Variants in SPTBN4 observed in about 807,000 individuals in gnomAD.
The protein encoded by SPTBN4 is spectrin beta chain, non-erythrocytic 4.
A neutral mutation model predicts 277.8 loss-of-function variants in SPTBN4; 96 were observed. The observed-to-expected ratio is 0.35, with a 90% CI of 0.29 to 0.41. The LOEUF is 0.41. Ranked by LOEUF, SPTBN4 falls within the 10% of genes least tolerant of loss-of-function variation. SPTBN4 has a pLI of 1.00. For missense variants in SPTBN4, 3,006 were observed against 3,595.7 expected, an observed-to-expected ratio of 0.84 and a Z score of 4.19; for synonymous variants, 1,481 against 1,580.3, an observed-to-expected ratio of 0.94 and a Z score of 1.49.
intron 14 of SPTBN4, among the ~76,000 whole-genome samples, chr19:40,514,522 C>T (rs902042200): frequency 4.6e-5 from 7 of 152,180 alleles, no homozygotes; most frequent in African/African-American, 1.7e-4. Context: ...AAACAAAGCC[C>T]AGGGCTCTGG....
chr19:40,471,599 G>T (rs2079884256), intron 1 of SPTBN4, among the ~76,000 whole-genome samples: 2 of 152,090 alleles, frequency 1.3e-5, no homozygotes, highest in African/African-American at 4.8e-5. Flanking sequence ...TAGAAATAGG[G>T]TATCGCCATA....
chr19:40,469,939 C>T (rs1044369602), intron 1 of SPTBN4, among the ~76,000 whole-genome samples: 20 of 151,616 alleles, frequency 1.3e-4, no homozygotes, highest in African/African-American at 4.1e-4. Flanking sequence ...CCACTGTGCC[C>T]GGCCAATTTC....
intron 20 of SPTBN4, among the ~76,000 whole-genome samples, chr19:40,538,733 G>A (rs1185570444): frequency 2.0e-5 from 3 of 152,070 alleles, no homozygotes; most frequent in African/African-American, 7.2e-5. Flanking sequence ...GACTACAAGC[G>A]TGTGCCACCA....
chr19:40,514,996 A>C (rs1044733253), intron 14 of SPTBN4, among the ~76,000 whole-genome samples: 2 of 152,096 alleles, frequency 1.3e-5, no homozygotes, highest in African/African-American at 4.8e-5. Flanking sequence ...TCCCAGCTAC[A>C]TGGGAGGCTG....
chr19:40,469,358 G>T (rs1165080483), intron 1 of SPTBN4, among the ~76,000 whole-genome samples: 1 of 151,900 alleles, frequency 6.6e-6, no homozygotes, highest in African/African-American at 2.4e-5. Context: ...TTCGCCTCCC[G>T]GTTTCAAGCA....
chr19:40,570,367 C>T (rs1240397119), intron 32 of SPTBN4, 69 bp from the exon 33 acceptor site: 3 of 1,055,124 alleles, frequency 2.8e-6, no homozygotes, highest in Admixed American at 2.5e-5. Context: ...AGACCCATGA[C>T]TCCCCCAAAC....
chr19:40,505,700 G>GAGGAAGGAAAGGA (rs1377789694), intron 12 of SPTBN4, among the ~76,000 whole-genome samples: 26 of 116,512 alleles, frequency 2.2e-4, no homozygotes, highest in Non-Finnish European at 1.6e-4. Flanking sequence ...GAATGAAAGG[G>GAGGAAGGAAAGGA]AGGAAGGAAG....
intron 18 of SPTBN4, chr19:40,530,428 G>A: frequency 2.3e-6 from 2 of 872,910 alleles, no homozygotes; most frequent in Non-Finnish European, 1.4e-6. Context: ...CAGGCAGGGG[G>A]CGCACGCGGG....
chr19:40,513,371 A>C lies in SPTBN4; in HGVS notation c.2582A>C (p.Gln861Pro). 2 of 1,602,244 alleles carry C rather than the reference A, an allele frequency of 1.2e-6. No individual in the cohort carries two copies. Among genetic ancestry groups the C allele is most frequent in the Non-Finnish European group, 1.7e-6 (2 of 1,175,982 alleles). ...ALQVRVVEAE[Q>P]LFAEVTEVAA... ...CAGGTGCGCGTGGTGGAAGCAGAGC[A>C]GTTGTTCGCTGAGGTGACCGAAGTG... Residue 861 changes from glutamine to proline, a missense_variant, in exon 14 of 36, where the codon CAG becomes CCG. This residue lies in a region of SPTBN4 where 1,759 missense variants were observed against 2,061.5 expected (regional missense o/e 0.85). Transcript: ENST00000598249.
chr19:40,513,539 A>G lies in SPTBN4; in HGVS notation c.2750A>G (p.Glu917Gly). The G allele has an allele frequency of 1.3e-6, 2 of 1,581,064 alleles. No individual in the cohort carries two copies. The highest frequency in any genetic ancestry group is 1.7e-6 in the Non-Finnish European group (2 of 1,168,872). The change falls in exon 14 of 36, where the codon GAG (glutamate) becomes GGG (glycine). Residue 917 changes from glutamate (E) to glycine (G), a missense_variant. By Grantham distance (98) the Glu-to-Gly change is moderately conservative (BLOSUM62 -2). Around this residue, in one of 5 missense-constraint regions of SPTBN4, gnomAD observed 1,759 missense variants for 2,061.5 expected, o/e 0.85. Transcript: ENST00000598249. ...GTGCCGGATTCACTCGACGACGTCG[A>G]GGTGGTGCAGCACCGGTGAGCGCGC... The part of the protein sequence containing the change: ...MRVPDSLDDV[E>G]VVQHRFESLD...
At chr19:40,495,009 C>T (rs1377073937) in intron 6 of SPTBN4, 32 bp downstream of exon 6, 5 of 1,597,954 alleles carry the variant, frequency 3.1e-6, no homozygotes, top group Non-Finnish European at 3.4e-6. Context: ...CCCAGTCCTG[C>T]CCTTCAGCCC....
At chr19:40,477,675 C>A (rs1190753729) in intron 2 of SPTBN4, among the ~76,000 whole-genome samples, 2 of 152,156 alleles carry the variant, frequency 1.3e-5, no homozygotes, top group Admixed American at 6.6e-5. Flanking sequence ...AGAGGCCTAA[C>A]TTCAGGCCTA....
intron 27 of SPTBN4, among the ~76,000 whole-genome samples, chr19:40,563,645 C>T (rs1478735499): frequency 3.1e-5 from 4 of 127,922 alleles, no homozygotes; most frequent in East Asian, 2.2e-4. Context: ...GCCTCAGCCT[C>T]CCAATCTCAG....
Position 40,565,653 on chromosome 19 carries a change from A to C in SPTBN4, c.6055-8A>C. ...CTGACTTCCCTCCCACCCACCTGCC[A>C]CTCCCAGATCCAGGCACAGCTGGAC... is the stretch of plus-strand genomic sequence containing the variant. On this transcript the variant is annotated splice_region_variant and splice_polypyrimidine_tract_variant and intron_variant, in intron 28 of 35. Coordinates refer to ENST00000598249, the MANE Select transcript of SPTBN4 (RefSeq NM_020971.3). The C allele has an allele frequency of 6.4e-7, 1 of 1,556,550 alleles. No individual in the cohort carries two copies. The highest frequency in any genetic ancestry group is 8.7e-7 in the Non-Finnish European group (1 of 1,149,600).
intron 30 of SPTBN4, 43 bp downstream of exon 30, chr19:40,566,402 A>G (rs1253963207): frequency 1.4e-6 from 2 of 1,452,264 alleles, no homozygotes; most frequent in South Asian, 1.4e-5. Context: ...ACCCCCACCA[A>G]GACCCCCACA....
Position 40,560,075 on chromosome 19 carries a change from G to T in SPTBN4, c.5671-84G>T. The T allele has an allele frequency of 1.4e-6, 2 of 1,468,852 alleles. No individual in the cohort carries two copies. The highest frequency in any genetic ancestry group is 1.8e-6 in the Non-Finnish European group (2 of 1,114,376). 91.0% of individuals were successfully genotyped at this position (1,468,852 alleles called of 1,614,324 possible). A position where few individuals can be genotyped will look rare whatever the true frequency, so the allele number is the denominator to read the frequency against. ...AGTGTGAGGCTCCTTATATCTTGAGGTTCTGCGCTGGAGCAGATGGTGGGA... is the reference window on the plus strand; with the variant it reads ...AGTGTGAGGCTCCTTATATCTTGAGTTTCTGCGCTGGAGCAGATGGTGGGA... On this transcript the variant is annotated intron_variant, in intron 26 of 35. Transcript: ENST00000598249. The surrounding 1 kb of genome is among the most constrained non-coding windows in gnomAD (Gnocchi z 5.2).
rs187830141 is a variant in SPTBN4 at position 40,507,541 on chromosome 19, A to G, written c.1816+1155A>G. ...AGACCCCATCTCTATATCAAAAAAG[A>G]AAAAAAAAAGAAAAAGACTCAGGCC... On this transcript the variant is annotated intron_variant, in intron 13 of 35. Coordinates refer to ENST00000598249, the MANE Select transcript of SPTBN4 (RefSeq NM_020971.3). Among the ~76,000 whole-genome samples, 51 of 149,064 alleles carry G rather than the reference A, an allele frequency of 3.4e-4. No individual in the cohort carries two copies. In the East Asian group the frequency reaches 9.6e-3, roughly 28 times the overall value.
chr19:40,501,865 C>G (rs1283906284), intron 7 of SPTBN4, 56 bp from the exon 8 acceptor site: 1 of 1,465,338 alleles, frequency 6.8e-7, no homozygotes, highest in African/African-American at 1.4e-5. Flanking sequence ...CCAATACCTT[C>G]AAGCACTCTG....
At position 40,560,318 on chromosome 19, in the gene SPTBN4, G is replaced by A. The variant is rs759676600; in HGVS notation, c.5830G>A (p.Ala1944Thr). ...ARLHVSSTAD[A>T]LRFHSQVRDL... is the part of the protein sequence containing the mutation. ...CCTGCATGTCAGCTCCACAGCCGAC[G>A]CCCTGCGCTTCCACAGCCAAGTCCG... Residue 1944 changes from alanine (A) to threonine (T), a missense_variant, in exon 27 of 36, where the codon GCC (alanine) becomes ACC (threonine). By Grantham distance (58) the Ala-to-Thr change is moderately conservative. Coordinates refer to ENST00000598249, the MANE Select transcript of SPTBN4 (RefSeq NM_020971.3). This position sits in a 1 kb window ranked among gnomAD's most constrained non-coding sequence, Gnocchi z 5.2. The A allele has an allele frequency of 5.6e-6, 9 of 1,613,960 alleles. No homozygotes were observed. Among genetic ancestry groups the A allele is most frequent in the South Asian group, 1.1e-5 (1 of 91,088 alleles).
Sources: gnomAD v4.1 joint callset for allele counts (sites outside exome capture counted in the v4.1 genomes callset) on GRCh38, gnomAD v4.1.1 for gene constraint, gnomAD v4.1.1 regional missense constraint, Gnocchi (gnomAD v3.1) non-coding constraint, MANE v1.5 for transcripts, NCBI Gene and HGNC (gene_info 2026-07-23, HGNC 2026-07-21) for gene names.